The following LMTK2 variants were observed in gnomAD, a reference collection of about 807,000 sequenced individuals.
LMTK2 encodes the protein lemur tail kinase 2, also known as serine/threonine-protein kinase LMTK2.
Under a neutral mutation model 127.5 loss-of-function variants are expected in LMTK2, and 37 were observed. The ratio of observed to expected loss-of-function variants is 0.29; its 90% CI spans 0.22 to 0.38. The LOEUF is 0.38. Ranked by LOEUF, LMTK2 falls within the 10% of genes least tolerant of loss-of-function variation. The pLI is 1.00. For missense variants in LMTK2, 1,694 were observed against 1,920.3 expected, an observed-to-expected ratio of 0.88 and a Z score of 2.20; for synonymous variants, 819 against 810.1, an observed-to-expected ratio of 1.01 and a Z score of -0.19.
chr7:98,176,266 TCTC>T (rs770300461), intron 7 of LMTK2, among the ~76,000 whole-genome samples: 91 of 152,242 alleles, frequency 6.0e-4, no homozygotes, highest in Non-Finnish European at 1.1e-3. Context: ...GTAAACATAT[TCTC>T]CTCTGATGGG....
At chr7:98,151,526 T>C in intron 4 of LMTK2, 71 bp downstream of exon 4, 1 of 1,272,442 alleles carries the variant, frequency 7.9e-7, no homozygotes. Flanking sequence ...TGATGAAGAA[T>C]TGTGTTGTGT....
intron 1 of LMTK2, among the ~76,000 whole-genome samples, chr7:98,121,800 A>C (rs1415039361): frequency 1.3e-5 from 2 of 152,138 alleles, no homozygotes. Context: ...CAGGAGTTCG[A>C]GACCAGCCTG....
intron 6 of LMTK2, among the ~76,000 whole-genome samples, chr7:98,169,806 GA>G (rs925444829): frequency 1.8e-3 from 251 of 143,248 alleles, no homozygotes; most frequent in East Asian, 8.0e-3. Context: ...GTTTTTACAA[GA>G]AAAAAAAAAA....
intron 7 of LMTK2, among the ~76,000 whole-genome samples, chr7:98,181,112 C>T (rs1291243006): frequency 2.0e-5 from 3 of 151,980 alleles, no homozygotes; most frequent in African/African-American, 7.2e-5. Flanking sequence ...GCTGTTTTTC[C>T]AGCAGCTCAG....
In LMTK2 at chr7:98,126,265, T is replaced by A. The variant is rs897668709; in HGVS notation, c.104-11050T>A. Among the ~76,000 whole-genome samples the A allele has an allele frequency of 6.7e-4, 102 of 152,192 alleles. 1 individual carries two copies. Among genetic ancestry groups the A allele is most frequent in the African/African-American group, 2.4e-3 (99 of 41,450 alleles). On this transcript the variant is annotated intron_variant, in intron 1 of 13. Transcript: ENST00000297293. ...GTACTGCCATTGACTCGCCTGCACATCTCTGCAGACGTACATGGGAAGTTG... is the reference window on the plus strand; with the variant it reads ...GTACTGCCATTGACTCGCCTGCACAACTCTGCAGACGTACATGGGAAGTTG...
At chr7:98,163,902 A>G (rs1469546941) in intron 6 of LMTK2, among the ~76,000 whole-genome samples, 1 of 152,244 alleles carries the variant, frequency 6.6e-6, no homozygotes, top group Non-Finnish European at 1.5e-5. Context: ...GCCACGGTGA[A>G]GGACCGGCTA....
rs1396851327 is a variant in LMTK2, at chr7:98,171,462, T to C, written c.658-79T>C. Reference sequence around the variant, plus strand: ...TCTAATAAATAATCTTAACAGTTAGTGTTCACCGAGGCACGTATTTAAGCG... The same window carrying C: ...TCTAATAAATAATCTTAACAGTTAGCGTTCACCGAGGCACGTATTTAAGCG... On this transcript the variant is annotated intron_variant, in intron 6 of 13. Transcript: ENST00000297293. The surrounding 1 kb of genome is among the most constrained non-coding windows in gnomAD (Gnocchi z 5.1). 1 of 1,555,992 alleles carries C rather than the reference T, an allele frequency of 6.4e-7. No individual in the cohort carries two copies. Among genetic ancestry groups the C allele is most frequent in the African/African-American group, 1.4e-5 (1 of 73,746 alleles).
intron 11 of LMTK2, among the ~76,000 whole-genome samples, chr7:98,197,236 T>C (rs1185731428): frequency 1.3e-5 from 2 of 152,242 alleles, no homozygotes; most frequent in Non-Finnish European, 2.9e-5. Flanking sequence ...TGCTTCCCCA[T>C]GTGGGGGTGG....
chr7:98,159,719 C>T lies in LMTK2; in HGVS notation c.657+294C>T, dbSNP rs117734892. On this transcript the variant is annotated intron_variant, in intron 6 of 13. Transcript: ENST00000297293. Reference sequence around the variant, plus strand: ...TTTGTCCATACTTTCCATGTGATGGCCATGGTGTGGATCAAGTGTGTAGCA... The same window carrying T: ...TTTGTCCATACTTTCCATGTGATGGTCATGGTGTGGATCAAGTGTGTAGCA... Among the ~76,000 whole-genome samples the T allele has an allele frequency of 6.0e-4, 92 of 152,260 alleles. 2 individuals carry two copies. In the East Asian group the frequency reaches 0.016, roughly 26 times the overall value.
chr7:98,177,300 A>G (rs1232791821), intron 7 of LMTK2, among the ~76,000 whole-genome samples: 1 of 152,236 alleles, frequency 6.6e-6, no homozygotes, highest in Admixed American at 6.5e-5. Flanking sequence ...GAATAATGCC[A>G]AAATTATAAA....
At chr7:98,191,510 C>G in intron 10 of LMTK2, 104 bp from the exon 11 acceptor site, 1 of 870,334 alleles carries the variant, frequency 1.1e-6, no homozygotes, top group Non-Finnish European at 1.7e-6. Flanking sequence ...CGGGATCATG[C>G]CACTGCACTC....
At chr7:98,187,811 G>T (rs932199761) in intron 9 of LMTK2, among the ~76,000 whole-genome samples, 6 of 151,994 alleles carry the variant, frequency 3.9e-5, no homozygotes, top group African/African-American at 1.5e-4. Flanking sequence ...TGCCATGGCT[G>T]GTCTCGAACT....
At chr7:98,140,118 C>G (rs528718480) in intron 2 of LMTK2, among the ~76,000 whole-genome samples, 3,644 of 11,512 alleles carry the variant, frequency 0.32, 684 homozygotes, top group African/African-American at 0.51. Context: ...TTCTTTCTTT[C>G]TTTCTTTCTT....
chr7:98,152,208 G>C (rs1372533387), intron 4 of LMTK2, among the ~76,000 whole-genome samples: 1 of 152,162 alleles, frequency 6.6e-6, no homozygotes, highest in Non-Finnish European at 1.5e-5. Flanking sequence ...CAAGTGGCCT[G>C]TAGTAACAAT....
At position 98,185,033 on chromosome 7, in the gene LMTK2, A is replaced by T. The variant is rs1386190062; in HGVS notation, c.792-18A>T. 6.3e-7 allele frequency: 1 copy of T among 1,583,214 alleles called. No individual in the cohort carries two copies. Among genetic ancestry groups the T allele is most frequent in the South Asian group, 1.1e-5 (1 of 90,098 alleles). On this transcript the variant is annotated intron_variant, in intron 7 of 13. Transcript: ENST00000297293. ...GTTGTTGATTCTTCTTGCCATGTTC[A>T]CTTCCCTCTGTTTTCAGTGATTTAG...
In LMTK2 at chr7:98,194,554, A is replaced by T; in HGVS notation, c.4089A>T (p.Thr1363=). 1 of 1,606,506 alleles carries T rather than the reference A, an allele frequency of 6.2e-7. No homozygotes were observed. Residue 1363 remains threonine (T), a synonymous_variant, in exon 11 of 14, where the codon ACA becomes ACT. Transcript: ENST00000297293. This position sits in a 1 kb window ranked among gnomAD's most constrained non-coding sequence, Gnocchi z 5.4. ...CAGTCACGTTTTTCGATGATGTCAC[A>T]GTCTACCTGTTTGACCAGGTATCTG... is the stretch of plus-strand genomic sequence containing the variant. The part of the protein sequence containing the change: ...KKAVTFFDDV[T]VYLFDQETPT...
chr7:98,175,143 A>G (rs1408454381), intron 7 of LMTK2, among the ~76,000 whole-genome samples: 1 of 152,194 alleles, frequency 6.6e-6, no homozygotes, highest in Non-Finnish European at 1.5e-5. Context: ...ACCCACGTGC[A>G]CATACCGTGT....
chr7:98,142,649 C>T (rs538444342), intron 3 of LMTK2, among the ~76,000 whole-genome samples: 97 of 152,238 alleles, frequency 6.4e-4, no homozygotes, highest in African/African-American at 2.0e-3. Context: ...AGTCGATCCC[C>T]GGTGGATTCA....
intron 2 of LMTK2, among the ~76,000 whole-genome samples, chr7:98,140,519 C>T (rs1796680788): frequency 1.3e-5 from 2 of 151,978 alleles, no homozygotes; most frequent in Non-Finnish European, 1.5e-5. Context: ...TACACTTATG[C>T]GTCACATGGT....
Sources: gnomAD v4.1 joint callset for allele counts (sites outside exome capture counted in the v4.1 genomes callset) on GRCh38, gnomAD v4.1.1 for gene constraint, Gnocchi (gnomAD v3.1) non-coding constraint, MANE v1.5 for transcripts, NCBI Gene and HGNC (gene_info 2026-07-23, HGNC 2026-07-21) for gene names.